The following CACNB2 variants were observed in gnomAD, a reference collection of about 807,000 sequenced individuals.
The protein encoded by CACNB2 is voltage-dependent L-type calcium channel subunit beta-2.
CACNB2 carries 42 observed loss-of-function variants against 73.3 expected under a neutral mutation model. The ratio of observed to expected loss-of-function variants is 0.57; its 90% CI spans 0.45 to 0.74. The LOEUF (loss-of-function observed/expected upper bound fraction) is 0.74. CACNB2 is among the 30% of genes least tolerant of loss of function. CACNB2 has a pLI of 0.00. For synonymous variants in CACNB2, 348 were observed against 310.3 expected, an observed-to-expected ratio of 1.12 and a Z score of -1.28; for missense variants, 940 against 853.0, an observed-to-expected ratio of 1.10 and a Z score of -1.27.
rs139627531 is a variant in CACNB2 at position 18,539,493 on chromosome 10, A to G, written c.1752A>G (p.Ser584=). 25 of 1,613,994 alleles carry G rather than the reference A, an allele frequency of 1.5e-5. No homozygotes were observed. The highest frequency in any genetic ancestry group is 2.1e-5 in the Non-Finnish European group (25 of 1,179,996). Reference sequence around the variant, plus strand: ...ATGACCACGTGGACCACTATGCCTCACACCGTGACCACAACCACAGAGACG... The same window carrying G: ...ATGACCACGTGGACCACTATGCCTCGCACCGTGACCACAACCACAGAGACG... ...YSHDHVDHYA[S]HRDHNHRDET... The change falls in exon 14 of 14, where the codon TCA becomes TCG. Residue 584 remains serine, a synonymous_variant. Coordinates refer to ENST00000324631, the MANE Select transcript of CACNB2 (RefSeq NM_201596.3).
At chr10:18,380,815 C>A (rs373094618) in intron 2 of CACNB2, among the ~76,000 whole-genome samples, 2 of 151,964 alleles carry the variant, frequency 1.3e-5, no homozygotes, top group Non-Finnish European at 1.5e-5. Flanking sequence ...CTTAATTTTT[C>A]AGCGCATTAA....
chr10:18,507,049 T>G (rs531821889), intron 6 of CACNB2, among the ~76,000 whole-genome samples: 2 of 152,336 alleles, frequency 1.3e-5, no homozygotes, highest in East Asian at 3.9e-4. Context: ...TCCACCTGCC[T>G]TAGGCTCCCA....
At chr10:18,372,614 C>A (rs1256648780) in intron 2 of CACNB2, among the ~76,000 whole-genome samples, 5 of 152,174 alleles carry the variant, frequency 3.3e-5, no homozygotes, top group Non-Finnish European at 7.3e-5. Context: ...ACCATGTTGA[C>A]CAGGCTGGCC....
intron 3 of CACNB2, among the ~76,000 whole-genome samples, chr10:18,422,630 G>T (rs1163763014): frequency 6.6e-6 from 1 of 152,094 alleles, no homozygotes; most frequent in African/African-American, 2.4e-5. Context: ...TGGGTTATTT[G>T]TTTCTCTTGC....
Position 18,352,536 on chromosome 10 carries a change from G to A in CACNB2, c.214-49388G>A, listed in dbSNP as rs184992251. Among the ~76,000 whole-genome samples the A allele has an allele frequency of 5.9e-5, 9 of 152,290 alleles. No individual in the cohort carries two copies. The East Asian group carries it at 9.6e-4, about 16-fold the overall frequency. On this transcript the variant is annotated intron_variant, in intron 2 of 13. Transcript: ENST00000324631. ...GTAACATGGTTTAAAAGCATTCCAGGAGTTCCATTTTTAAGCACTCTTGTT... is the reference window on the plus strand; with the variant it reads ...GTAACATGGTTTAAAAGCATTCCAGAAGTTCCATTTTTAAGCACTCTTGTT...
intron 2 of CACNB2, among the ~76,000 whole-genome samples, chr10:18,151,496 C>T (rs1395345910): frequency 1.1e-4 from 17 of 152,072 alleles, no homozygotes; most frequent in Non-Finnish European, 2.5e-4. Flanking sequence ...GGAGACATAG[C>T]CTTCGTCTCA....
chr10:18,450,626 CTT>C (rs34566433), intron 3 of CACNB2, among the ~76,000 whole-genome samples: 170 of 130,918 alleles, frequency 1.3e-3, no homozygotes, highest in African/African-American at 4.3e-3. Context: ...GCTTTTTTTT[CTT>C]TTTTTTTTTT....
At chr10:18,443,117 T>C (rs185603506) in intron 3 of CACNB2, among the ~76,000 whole-genome samples, 77 of 150,854 alleles carry the variant, frequency 5.1e-4, no homozygotes, top group African/African-American at 1.5e-3. Flanking sequence ...TTTTTGTTTT[T>C]ACTTTAGCAT....
At chr10:18,315,851 A>G (rs774380592) in intron 2 of CACNB2, among the ~76,000 whole-genome samples, 4 of 152,222 alleles carry the variant, frequency 2.6e-5, no homozygotes, top group Non-Finnish European at 2.9e-5. Flanking sequence ...TCAAGCTACA[A>G]CATCGCCTCA....
intron 3 of CACNB2, among the ~76,000 whole-genome samples, chr10:18,468,931 G>T (rs2048038526): frequency 6.6e-6 from 1 of 152,160 alleles, no homozygotes; most frequent in African/African-American, 2.4e-5. Flanking sequence ...TGCCATAAGT[G>T]ATATACAGCC....
At chr10:18,313,132 G>A (rs368943638) in intron 2 of CACNB2, among the ~76,000 whole-genome samples, 1 of 151,830 alleles carries the variant, frequency 6.6e-6, no homozygotes, top group East Asian at 1.9e-4. Flanking sequence ...ATTATTCATC[G>A]TTAGATGAGA....
In CACNB2 at chr10:18,352,247, G is replaced by A. The variant is rs148972365; in HGVS notation, c.214-49677G>A. On this transcript the variant is annotated intron_variant, in intron 2 of 13. Transcript: ENST00000324631. ...TCGCATGAGTTGAGTGGACTTCCAC[G>A]CATCACGTCCCATGACAGGGCTCCT... 6.4e-4 allele frequency among the ~76,000 whole-genome samples: 98 copies of A among 152,290 alleles called. 1 individual carries two copies. In the Middle Eastern group the frequency reaches 0.01, roughly 16 times the overall value.
chr10:18,240,536 T>G (rs188039060), intron 2 of CACNB2, among the ~76,000 whole-genome samples: 1 of 152,214 alleles, frequency 6.6e-6, no homozygotes, highest in Non-Finnish European at 1.5e-5. Context: ...ACTTCTTTCT[T>G]GACATCTCCT....
chr10:18,415,430 T>C (rs2044890534), intron 3 of CACNB2, among the ~76,000 whole-genome samples: 1 of 148,908 alleles, frequency 6.7e-6, no homozygotes, highest in Non-Finnish European at 1.5e-5. Flanking sequence ...TGCACCAATA[T>C]ACTCCAGCCT....
intron 2 of CACNB2, among the ~76,000 whole-genome samples, chr10:18,395,918 G>A (rs2043692367): frequency 6.6e-6 from 1 of 152,110 alleles, no homozygotes; most frequent in Non-Finnish European, 1.5e-5. Flanking sequence ...ATTTTTCAGT[G>A]TTTAGAGTCA....
chr10:18,167,939 C>T (rs972476635), intron 2 of CACNB2, among the ~76,000 whole-genome samples: 1 of 152,172 alleles, frequency 6.6e-6, no homozygotes, highest in Non-Finnish European at 1.5e-5. Context: ...CACCCCCGAC[C>T]CCAACCCCAT....
rs1418053212 is a variant in CACNB2, at chr10:18,539,293, G to A, written c.1552G>A (p.Glu518Lys). Residue 518 changes from glutamate to lysine, a missense_variant, in exon 14 of 14, where the codon GAA (glutamate) becomes AAA (lysine). By Grantham distance (56) the Glu-to-Lys change is moderately conservative. Transcript: ENST00000324631. Reference protein sequence around the residue: ...APIRSASQAEEEPSVEPVKKS... With the variant: ...APIRSASQAEKEPSVEPVKKS... ...TATCCGTTCTGCTTCCCAAGCTGAA[G>A]AAGAACCTAGTGTGGAACCAGTCAA... 4 of 1,613,896 alleles carry A rather than the reference G, an allele frequency of 2.5e-6. No homozygotes were observed. Among genetic ancestry groups the A allele is most frequent in the Admixed American group, 1.7e-5 (1 of 59,972 alleles).
rs993703540 is a variant in CACNB2, at chr10:18,539,107, G to C, written c.1489-123G>C. ...GGATGTTACCAAAGGGATGAAGCTAGGTTAGACTTCATTTCAGCTTTTCGG... is the reference window on the plus strand; with the variant it reads ...GGATGTTACCAAAGGGATGAAGCTACGTTAGACTTCATTTCAGCTTTTCGG... On this transcript the variant is annotated intron_variant, in intron 13 of 13. Coordinates refer to ENST00000324631, the MANE Select transcript of CACNB2 (RefSeq NM_201596.3). 2.5e-6 allele frequency: 3 copies of C among 1,210,534 alleles called. No homozygotes were observed. In the African/African-American group the frequency reaches 4.5e-5, roughly 18 times the overall value. 75.0% of individuals were successfully genotyped at this position (1,210,534 alleles called of 1,614,324 possible). A position where few individuals can be genotyped will look rare whatever the true frequency, so the allele number is the denominator to read the frequency against.
intron 3 of CACNB2, among the ~76,000 whole-genome samples, chr10:18,424,535 C>T (rs2045498731): frequency 6.6e-6 from 1 of 152,098 alleles, no homozygotes; most frequent in African/African-American, 2.4e-5. Flanking sequence ...TTTAACTAGT[C>T]CTCAGTCTGG....
Sources: allele counts gnomAD v4.1 joint callset (sites outside exome capture counted in the v4.1 genomes callset), GRCh38; gene constraint gnomAD v4.1.1; transcripts MANE v1.5; gene names NCBI Gene and HGNC (gene_info 2026-07-23, HGNC 2026-07-21).